KANSL1L: variants seen among roughly 807,000 people sequenced by gnomAD.
The protein encoded by KANSL1L is KAT8 regulatory NSL complex subunit 1 like.
KANSL1L carries 25 observed loss-of-function variants against 108.6 expected under a neutral mutation model. That is an observed-to-expected ratio of 0.23 (90% CI 0.17 to 0.32). The LOEUF is 0.32. Ranked by LOEUF, KANSL1L falls within the 10% of genes least tolerant of loss-of-function variation. The pLI is 1.00. For synonymous variants in KANSL1L, 405 were observed against 395.1 expected, an observed-to-expected ratio of 1.03 and a Z score of -0.30; for missense variants, 1,137 against 1,125.7, an observed-to-expected ratio of 1.01 and a Z score of -0.14.
At chr2:210,094,336 T>C (rs1179270928) in intron 5 of KANSL1L, among the ~76,000 whole-genome samples, 1 of 152,140 alleles carries the variant, frequency 6.6e-6, no homozygotes, top group East Asian at 1.9e-4. Context: ...CAAGGACATC[T>C]TCAGAAAGTG....
intron 2 of KANSL1L, among the ~76,000 whole-genome samples, chr2:210,145,772 TC>T (rs2095261190): frequency 6.6e-6 from 1 of 152,168 alleles, no homozygotes; most frequent in Non-Finnish European, 1.5e-5. Flanking sequence ...CAACCTGGGC[TC>T]CAAGGCTTGG....
intron 3 of KANSL1L, among the ~76,000 whole-genome samples, chr2:210,115,342 C>A (rs954461499): frequency 1.3e-5 from 2 of 151,918 alleles, no homozygotes. Context: ...CAAGATATAA[C>A]AATTATAAAC....
chr2:210,050,693 G>GAAAA (rs1169870752), intron 6 of KANSL1L, among the ~76,000 whole-genome samples: 6 of 53,442 alleles, frequency 1.1e-4, no homozygotes, highest in African/African-American at 1.2e-4. Flanking sequence ...CATCTCTACA[G>GAAAA]AAAAAAAAAA....
intron 1 of KANSL1L, among the ~76,000 whole-genome samples, chr2:210,163,764 A>G (rs2095373141): frequency 6.6e-6 from 1 of 152,170 alleles, no homozygotes; most frequent in African/African-American, 2.4e-5. Context: ...GATCCATTTA[A>G]AAATTTTTAC....
intron 5 of KANSL1L, among the ~76,000 whole-genome samples, chr2:210,084,370 C>T (rs2094617312): frequency 6.6e-6 from 1 of 151,270 alleles, no homozygotes; most frequent in Non-Finnish European, 1.5e-5. Context: ...TGCAGTGAGC[C>T]GAGATCGCAC....
At chr2:210,133,569 A>C (rs1340598554) in intron 2 of KANSL1L, among the ~76,000 whole-genome samples, 2 of 151,786 alleles carry the variant, frequency 1.3e-5, no homozygotes, top group African/African-American at 4.8e-5. Context: ...ACTCTTTATC[A>C]TCACCTTTTC....
chr2:210,038,992 T>C (rs2094136967), intron 8 of KANSL1L, among the ~76,000 whole-genome samples: 2 of 151,996 alleles, frequency 1.3e-5, no homozygotes, highest in Non-Finnish European at 2.9e-5. Context: ...TAAGCCATTT[T>C]ATCAACATGG....
At chr2:210,153,349 G>T in intron 2 of KANSL1L, 146 bp downstream of exon 2, 1 of 661,472 alleles carries the variant, frequency 1.5e-6, no homozygotes, top group Non-Finnish European at 2.4e-6. Flanking sequence ...GCGAGACTCT[G>T]TCTCAAAAAT....
At chr2:210,148,342 A>G (rs569214098) in intron 2 of KANSL1L, among the ~76,000 whole-genome samples, 1 of 152,328 alleles carries the variant, frequency 6.6e-6, no homozygotes, top group East Asian at 1.9e-4. Context: ...AGAAGAAAAG[A>G]AATGCTAGAA....
chr2:210,087,976 AT>A (rs537099044), intron 5 of KANSL1L, among the ~76,000 whole-genome samples: 5 of 150,930 alleles, frequency 3.3e-5, no homozygotes, highest in East Asian at 1.9e-4. Flanking sequence ...AGGTGGTGTC[AT>A]TTTTTTTTCA....
chr2:210,171,474 GA>G (rs1236679364), upstream of KANSL1L: 1 of 154,524 alleles, frequency 6.5e-6, no homozygotes, highest in Non-Finnish European at 1.4e-5. Context: ...CCATGCAAAT[GA>G]AGCGGGTGGC....
In KANSL1L at chr2:210,153,967, T is replaced by G. The variant is rs202067900; in HGVS notation, c.616A>C (p.Asn206His). The change falls in exon 2 of 15, where the codon AAT becomes CAT. Residue 206 changes from asparagine to histidine, a missense_variant. Physicochemically the swap from Asn to His is moderately conservative, Grantham distance 68. This residue lies in a region of KANSL1L where 556 missense variants were observed against 537.7 expected (regional missense o/e 1.03). Coordinates refer to ENST00000281772, the MANE Select transcript of KANSL1L (RefSeq NM_152519.4). ...GCAGCTGAAGAACTAACAGGCACAT[T>G]TGAGTGGCCAGGTACAATTTTCTTT... ...TQKKIVPGHS[N>H]VPVSSSAAEK... is the part of the protein sequence containing the mutation. 5 of 1,613,668 alleles carry G rather than the reference T, an allele frequency of 3.1e-6. No individual in the cohort carries two copies. The highest frequency in any genetic ancestry group is 4.2e-6 in the Non-Finnish European group (5 of 1,180,022).
chr2:210,080,876 G>T (rs187335752), intron 5 of KANSL1L, among the ~76,000 whole-genome samples: 1 of 151,990 alleles, frequency 6.6e-6, no homozygotes, highest in East Asian at 2.0e-4. Flanking sequence ...GGAGGCTGAA[G>T]CAGGTGGATC....
Position 210,087,366 on chromosome 2 carries a change from T to A in KANSL1L, c.1550+10720A>T, listed in dbSNP as rs536215572. Among the ~76,000 whole-genome samples the A allele has an allele frequency of 1.4e-3, 211 of 152,276 alleles. 1 individual carries two copies. Among genetic ancestry groups the A allele is most frequent in the African/African-American group, 3.9e-3 (160 of 41,546 alleles). ...AGGCCTTCTCTCTTACAGATTTTTT[T>A]AAATATCTCTTATTACAGAGACATC... is the stretch of plus-strand genomic sequence containing the variant. On this transcript the variant is annotated intron_variant, in intron 5 of 14. Transcript: ENST00000281772.
At chr2:210,039,203 GATTAT>G (rs752224813) in intron 8 of KANSL1L, among the ~76,000 whole-genome samples, 3 of 151,726 alleles carry the variant, frequency 2.0e-5, no homozygotes, top group African/African-American at 4.8e-5. Flanking sequence ...TTCTGATTAG[GATTAT>G]ATTCTACTTG....
At chr2:210,143,946 C>T (rs953602679) in intron 2 of KANSL1L, among the ~76,000 whole-genome samples, 4 of 152,076 alleles carry the variant, frequency 2.6e-5, no homozygotes, top group East Asian at 1.9e-4. Flanking sequence ...TTTTCATGTT[C>T]CTAATTAGCA....
chr2:210,171,995 T>TAAA (rs71043977), upstream of KANSL1L, among the ~76,000 whole-genome samples: 13 of 145,664 alleles, frequency 8.9e-5, no homozygotes, highest in South Asian at 4.3e-4. Context: ...GTTTTATGAT[T>TAAA]AAAAAAAAAA....
Position 210,119,993 on chromosome 2 carries a change from C to A in KANSL1L, c.1230+9038G>T, listed in dbSNP as rs112493380. Among the ~76,000 whole-genome samples, 985 of 152,258 alleles carry A rather than the reference C, an allele frequency of 6.5e-3. 4 individuals carry two copies. Among genetic ancestry groups the A allele is most frequent in the Non-Finnish European group, 0.01 (700 of 68,014 alleles). The stretch of plus-strand genomic sequence containing the variant: ...GAACAAGAACAGACACAAAGACCAA[C>A]AGAACAGAAAAGGGAACCCAGAAAT... On this transcript the variant is annotated intron_variant, in intron 3 of 14. Transcript: ENST00000281772.
chr2:210,040,473 C>A lies in KANSL1L; in HGVS notation c.1976G>T (p.Gly659Val). ...ETLLKKTEIKGNLAENKFVDE... is the reference protein window; with the variant it reads ...ETLLKKTEIKVNLAENKFVDE... ...TACAAATTTATTTTCAGCAAGATTGCCTTTTATTTCAGTCTTTTTTAACAG... is the reference window on the plus strand; with the variant it reads ...TACAAATTTATTTTCAGCAAGATTGACTTTTATTTCAGTCTTTTTTAACAG... The change falls in exon 8 of 15, where the codon GGC (glycine) becomes GTC (valine). Residue 659 changes from glycine to valine, a missense_variant. Transcript: ENST00000281772. 2 of 1,566,788 alleles carry A rather than the reference C, an allele frequency of 1.3e-6. No homozygotes were observed.
Sources: allele counts gnomAD v4.1 joint callset (sites outside exome capture counted in the v4.1 genomes callset), GRCh38; gene constraint gnomAD v4.1.1; regional missense constraint gnomAD v4.1.1; transcripts MANE v1.5; gene names NCBI Gene and HGNC (gene_info 2026-07-23, HGNC 2026-07-21).